SPAG4: variants seen among roughly 807,000 people sequenced by gnomAD.
SPAG4 encodes the protein sperm associated antigen 4.
SPAG4 carries 54 observed loss-of-function variants against 53.9 expected under a neutral mutation model. The observed-to-expected ratio is 1.00, with a 90% confidence interval of 0.80 to 1.26. The LOEUF (loss-of-function observed/expected upper bound fraction) is 1.26. Ranked by LOEUF, SPAG4 falls within the 50% of genes most tolerant of loss-of-function variation. The pLI is 0.00. For missense variants in SPAG4, 548 were observed against 568.6 expected, an observed-to-expected ratio of 0.96 and a Z score of 0.37; for synonymous variants, 246 against 237.4, an observed-to-expected ratio of 1.04 and a Z score of -0.33.
intron 2 of SPAG4, 127 bp downstream of exon 2, chr20:35,617,367 C>T (rs940836939): frequency 1.6e-5 from 15 of 943,456 alleles, no homozygotes; most frequent in Admixed American, 4.1e-5. Flanking sequence ...TCATTCCTAG[C>T]CCCCATCCAA....
intron 1 of SPAG4, 33 bp downstream of exon 1, chr20:35,616,340 G>A (rs538359064): frequency 1.7e-5 from 24 of 1,443,664 alleles, no homozygotes; most frequent in Non-Finnish European, 2.2e-5. Flanking sequence ...GTGAGCCAGT[G>A]GAGGGGGCGG....
chr20:35,617,351 C>T, intron 2 of SPAG4, 111 bp downstream of exon 2: 1 of 953,510 alleles, frequency 1.0e-6, no homozygotes, highest in Non-Finnish European at 1.6e-6. Flanking sequence ...CTCTCCGAGC[C>T]TCAACTCATT....
chr20:35,618,145 C>A lies in SPAG4; in HGVS notation c.582+15C>A. 6.2e-7 allele frequency: 1 copy of A among 1,612,806 alleles called. No individual in the cohort carries two copies. The highest frequency in any genetic ancestry group is 8.5e-7 in the Non-Finnish European group (1 of 1,179,302). ...CTTTGGAGAATGTGAGTTGGGGAGACTGTCTTGGGGTAGGGGGTTGGCAGG... is the reference window on the plus strand; with the variant it reads ...CTTTGGAGAATGTGAGTTGGGGAGAATGTCTTGGGGTAGGGGGTTGGCAGG... On this transcript the variant is annotated intron_variant, in intron 5 of 11. Transcript: ENST00000374273.
At chr20:35,617,634 G>C (rs953386436) in intron 3 of SPAG4, 48 bp downstream of exon 3, 2 of 1,599,842 alleles carry the variant, frequency 1.3e-6, no homozygotes, top group Non-Finnish European at 1.7e-6. Context: ...TTTGGAGGGG[G>C]TGGGGAGCAG....
chr20:35,620,743 G>C lies in SPAG4; in HGVS notation c.1137G>C (p.Glu379Asp). ...VSLGKFTFDV[E>D]KSEIQTFHLQ... Reference sequence around the variant, plus strand: ...TGGGGAAATTCACCTTCGATGTTGAGAAATCGGAGATTCAGACTTTCCACC... The same window carrying C: ...TGGGGAAATTCACCTTCGATGTTGACAAATCGGAGATTCAGACTTTCCACC... Residue 379 changes from glutamate to aspartate, a missense_variant, in exon 11 of 12, where the codon GAG becomes GAC. Glu to Asp is a conservative substitution (Grantham distance 45, BLOSUM62 2). Transcript: ENST00000374273. 1.2e-6 allele frequency: 2 copies of C among 1,607,452 alleles called. No homozygotes were observed. Among genetic ancestry groups the C allele is most frequent in the Non-Finnish European group, 1.7e-6 (2 of 1,176,090 alleles).
intron 10 of SPAG4, 52 bp from the exon 11 acceptor site, chr20:35,620,632 C>CCA: frequency 3.7e-6 from 2 of 540,216 alleles, no homozygotes; most frequent in South Asian, 1.8e-5. Context: ...CCCCGCCCCC[C>CCA]CCGCCCCACC....
At position 35,619,067 on chromosome 20, in the gene SPAG4, A is replaced by AC. The variant is rs927415826; in HGVS notation, c.793+72dup. On this transcript the variant is annotated intron_variant, in intron 8 of 11. Transcript: ENST00000374273. ...GAGGCCAAGACACTGACACAGACAG[A>AC]CCCATGCACCTGACCGGCCGAAGAC... 5.4e-6 allele frequency: 8 copies of AC among 1,482,764 alleles called. No individual in the cohort carries two copies. In the Admixed American group the frequency reaches 1.2e-4, roughly 22 times the overall value. 91.9% of individuals were successfully genotyped at this position (1,482,764 alleles called of 1,614,324 possible).
rs76103999 is a variant in SPAG4 at position 35,619,724 on chromosome 20, C to G, written c.1055C>G (p.Ala352Gly). 1 of 1,609,784 alleles carries G rather than the reference C, an allele frequency of 6.2e-7. No individual in the cohort carries two copies. Among genetic ancestry groups the G allele is most frequent in the Admixed American group, 1.7e-5 (1 of 59,896 alleles). The change falls in exon 10 of 12, where the codon GCC (alanine) becomes GGC (glycine). Residue 352 changes from alanine to glycine, a missense_variant. Physicochemically the swap from Ala to Gly is moderately conservative, Grantham distance 60. Transcript: ENST00000374273. ...SVEHTGGANS[A>G]PRDFAVFGLQ... ...GAGCACACCGGAGGAGCCAACAGCGCCCCCCGCGATTTCGCGGTCTTTGTG... is the reference window on the plus strand; with the variant it reads ...GAGCACACCGGAGGAGCCAACAGCGGCCCCCGCGATTTCGCGGTCTTTGTG...
At chr20:35,618,034 G>A (rs1295064068) in intron 4 of SPAG4, 53 bp from the exon 5 acceptor site, 3 of 1,586,980 alleles carry the variant, frequency 1.9e-6, no homozygotes, top group Non-Finnish European at 2.6e-6. Flanking sequence ...CCTATGCCGG[G>A]GAAACCCATT....
At position 35,618,921 on chromosome 20, in the gene SPAG4, AG is replaced by A; in HGVS notation, c.718-1del. The A allele has an allele frequency of 1.2e-6, 2 of 1,614,014 alleles. No homozygotes were observed. The highest frequency in any genetic ancestry group is 2.2e-5 in the South Asian group (2 of 91,084). ...TCCAGGCCTCGCCCTCCCTCCTTGC[AG>A]AGAGTGGCCAAGCTCGTGTTCCAGA... On this transcript the variant is annotated splice_acceptor_variant, in intron 7 of 11. Transcript: ENST00000374273. LOFTEE classifies it high-confidence loss of function.
At chr20:35,616,458 A>G (rs1234479007) in intron 1 of SPAG4, 151 bp downstream of exon 1, 2 of 1,225,286 alleles carry the variant, frequency 1.6e-6, no homozygotes, top group Non-Finnish European at 2.1e-6. Context: ...AGATCCCTTA[A>G]GGGGCGGAGC....
intron 2 of SPAG4, 51 bp downstream of exon 2, chr20:35,617,291 C>A: frequency 7.6e-7 from 1 of 1,317,138 alleles, no homozygotes; most frequent in Non-Finnish European, 1.1e-6. Context: ...TTCCCCTCTC[C>A]GAACTCCAGT....
Position 35,616,024 on chromosome 20 carries a change from G to C in SPAG4, c.21G>C (p.Pro7=), listed in dbSNP as rs759707804. The C allele has an allele frequency of 6.2e-6, 10 of 1,612,108 alleles. No individual in the cohort carries two copies. The Admixed American group carries it at 1.0e-4, about 16-fold the overall frequency. MRRSSR[P]GSASSSRKHT... ...TCAGGATGCGGCGAAGCTCCCGCCC[G>C]GGCTCGGCCTCGTCCTCGCGCAAGC... The change falls in exon 1 of 12, where the codon CCG becomes CCC. Residue 7 remains proline (P), a synonymous_variant. Transcript: ENST00000374273.
At chr20:35,617,662 C>A in intron 3 of SPAG4, 76 bp downstream of exon 3, 1 of 1,576,528 alleles carries the variant, frequency 6.3e-7, no homozygotes, top group Non-Finnish European at 8.7e-7. Context: ...ACCTTGCTGG[C>A]GCTTGAGCCG....
At position 35,618,946 on chromosome 20, in the gene SPAG4, G is replaced by C. The variant is rs752184888; in HGVS notation, c.741G>C (p.Gln247His). 1 of 1,614,224 alleles carries C rather than the reference G, an allele frequency of 6.2e-7. No individual in the cohort carries two copies. Among genetic ancestry groups the C allele is most frequent in the South Asian group, 1.1e-5 (1 of 91,090 alleles). ...NSERVAKLVF[Q>H]RLNEDFVRKP... ...AGAGAGTGGCCAAGCTCGTGTTCCA[G>C]AGGCTGAATGAGGATTTTGTGCGGA... Residue 247 changes from glutamine (Q) to histidine (H), a missense_variant, in exon 8 of 12, where the codon CAG becomes CAC. By Grantham distance (24) the Gln-to-His change is conservative. Transcript: ENST00000374273.
At chr20:35,617,649 G>T in intron 3 of SPAG4, 63 bp downstream of exon 3, 1 of 1,587,706 alleles carries the variant, frequency 6.3e-7, no homozygotes, top group Non-Finnish European at 8.6e-7. Flanking sequence ...GAGCAGGGCC[G>T]GAACCTTGCT....
Position 35,619,146 on chromosome 20 carries a change from C to A in SPAG4, c.794-49C>A. The A allele has an allele frequency of 2.5e-6, 3 of 1,185,130 alleles. No individual in the cohort carries two copies. The Middle Eastern group carries it at 7.2e-4, about 285-fold the overall frequency. 73.4% of individuals were successfully genotyped at this position (1,185,130 alleles called of 1,614,324 possible). On this transcript the variant is annotated intron_variant, in intron 8 of 11. Transcript: ENST00000374273. ...CAGCCCCCGCGCCCCCGCGCCCCGA[C>A]TCCCGGCAAGGCCTGGGAGCCTCTG...
chr20:35,618,710 C>T lies in SPAG4; in HGVS notation c.707C>T (p.Ala236Val), dbSNP rs1413526988. ...AAGGAGGTGTCCACTGTTCGGGCAG[C>T]CAACAGCGAGGTGAGCCCCGGCCCA... Reference protein sequence around the residue: ...LHKEVSTVRAANSERVAKLVF... With the variant: ...LHKEVSTVRAVNSERVAKLVF... Residue 236 changes from alanine to valine, a missense_variant, in exon 7 of 12, where the codon GCC becomes GTC. Physicochemically the swap from Ala to Val is moderately conservative, Grantham distance 64. Coordinates refer to ENST00000374273, the MANE Select transcript of SPAG4 (RefSeq NM_003116.3). 6 of 1,582,876 alleles carry T rather than the reference C, an allele frequency of 3.8e-6. No homozygotes were observed. The highest frequency in any genetic ancestry group is 1.8e-5 in the Admixed American group (1 of 56,464).
In SPAG4 at chr20:35,618,623, A is replaced by G; in HGVS notation, c.620A>G (p.Glu207Gly). ...CCTCCCACCTCCAGTGAGTACCACG[A>G]GCGCGTGCGCTCCCAGGGGCAGCAG... ...KEMLTLSEYHERVRSQGQQLQ... is the reference protein window; with the variant it reads ...KEMLTLSEYHGRVRSQGQQLQ... Residue 207 changes from glutamate to glycine, a missense_variant, in exon 7 of 12, where the codon GAG (glutamate) becomes GGG (glycine). Transcript: ENST00000374273. 6.3e-7 allele frequency: 1 copy of G among 1,599,666 alleles called. No individual in the cohort carries two copies. Among genetic ancestry groups the G allele is most frequent in the South Asian group, 1.1e-5 (1 of 89,402 alleles).
Sources: allele counts gnomAD v4.1 joint callset, GRCh38; gene constraint gnomAD v4.1.1; transcripts MANE v1.5; gene names NCBI Gene and HGNC (gene_info 2026-07-23, HGNC 2026-07-21).